CFAP47: variants seen among roughly 807,000 people sequenced by gnomAD.
CFAP47 encodes cilia and flagella associated protein 47.
Under a neutral mutation model 148.1 loss-of-function variants are expected in CFAP47, and 29 were observed. That is an observed-to-expected ratio of 0.20 (90% CI 0.15 to 0.27). The LOEUF (loss-of-function observed/expected upper bound fraction) is 0.27. CFAP47 is among the 10% of genes least tolerant of loss of function. The pLI is 1.00. For missense variants in CFAP47, 1,872 were observed against 1,697.5 expected (o/e 1.10, Z -1.81); for synonymous variants, 664 against 577.3 (o/e 1.15, Z -2.15).
intron 46 of CFAP47, among the ~76,000 whole-genome samples, chrX:36,232,082 G>C (rs1431178012): frequency 2.7e-5 from 3 of 110,843 alleles, no homozygotes; most frequent in Non-Finnish European, 5.7e-5. Context: ...CTCCTTTTTG[G>C]TTGTGTCTCT....
chrX:36,300,577 C>G (rs1004237306), intron 52 of CFAP47, among the ~76,000 whole-genome samples: 1 of 111,875 alleles, frequency 8.9e-6, no homozygotes, highest in African/African-American at 3.3e-5. Flanking sequence ...GCATGAGCCA[C>G]CACGTCCGGT....
intron 53 of CFAP47, among the ~76,000 whole-genome samples, chrX:36,301,537 G>A (rs1048588844): frequency 2.7e-5 from 3 of 110,322 alleles, no homozygotes; most frequent in South Asian, 3.9e-4. Context: ...GATATAGACA[G>A]AATCTTTGGA....
chrX:36,233,900 T>G (rs1270344446), intron 46 of CFAP47, among the ~76,000 whole-genome samples: 3 of 111,266 alleles, frequency 2.7e-5, no homozygotes, highest in African/African-American at 9.8e-5. Flanking sequence ...ATATGAAATT[T>G]TGGGTTGAAA....
At chrX:36,015,424 C>T (rs774065691) in intron 22 of CFAP47, among the ~76,000 whole-genome samples, 11 of 110,974 alleles carry the variant, frequency 9.9e-5, no homozygotes, top group Non-Finnish European at 1.3e-4. Context: ...CTGCAAATTA[C>T]ATTTTTGCAA....
At chrX:35,968,925 A>G (rs1050763084) in intron 10 of CFAP47, among the ~76,000 whole-genome samples, 1 of 109,160 alleles carries the variant, frequency 9.2e-6, no homozygotes, top group Admixed American at 9.8e-5. Flanking sequence ...ATAATTTTTT[A>G]TGTACTTTTT....
rs756244150 is a variant in CFAP47, at chrX:36,103,056, T to C, written c.5128-1443T>C. Among the ~76,000 whole-genome samples the C allele has an allele frequency of 1.2e-4, 13 of 111,486 alleles. No individual in the cohort carries two copies. In the South Asian group the frequency reaches 5.0e-3, roughly 42 times the overall value. ...TACTGTAGTTATTTGAAACACTGTA[T>C]GGCATAAATATGCATTACTTAGAAA... On this transcript the variant is annotated intron_variant, in intron 32 of 63. Transcript: ENST00000378653.
chrX:35,985,896 C>A, intron 15 of CFAP47: 1 of 320,145 alleles, frequency 3.1e-6, no homozygotes, highest in Non-Finnish European at 6.1e-6. Flanking sequence ...TCCTAAGCGG[C>A]TCTCCCTGCC....
rs185480383 is a variant in CFAP47, at chrX:36,096,665, C to T, written c.4917-2128C>T. ...TTTTTTGATACAAGTATAGCTACTC[C>T]TGCTTTTTTTTTATTTCCATTAGCA... On this transcript the variant is annotated intron_variant, in intron 30 of 63. Coordinates refer to ENST00000378653, the MANE Select transcript of CFAP47 (RefSeq NM_001304548.2). 4.3e-3 allele frequency among the ~76,000 whole-genome samples: 467 copies of T among 109,549 alleles called. 2 individuals carry two copies. The highest frequency in any genetic ancestry group is 7.0e-3 in the Non-Finnish European group (366 of 52,379).
At chrX:35,960,432 T>C (rs1395230245) in intron 8 of CFAP47, among the ~76,000 whole-genome samples, 1 of 82,602 alleles carries the variant, frequency 1.2e-5, no homozygotes, top group Non-Finnish European at 2.3e-5. Context: ...TTGAAAAGAA[T>C]TGTGTTGAAT....
rs150772507 is a variant in CFAP47 at position 35,998,471 on chromosome X, T to C, written c.3177+1082T>C. 7.1e-3 allele frequency among the ~76,000 whole-genome samples: 793 copies of C among 111,406 alleles called. 4 individuals are homozygous for C. Among genetic ancestry groups the C allele is most frequent in the Middle Eastern group, 0.019 (4 of 216 alleles). ...GGGAACATCACCATCAGAGCAGTTG[T>C]CATATTATTTTGGGGCTATTTGTAC... On this transcript the variant is annotated intron_variant, in intron 19 of 63. Transcript: ENST00000378653.
At chrX:36,371,717 T>TATATACACACATGTGTATATATGTGTGC (rs1941948858) in intron 62 of CFAP47, among the ~76,000 whole-genome samples, 1 of 58,728 alleles carries the variant, frequency 1.7e-5, no homozygotes, top group Non-Finnish European at 2.8e-5. Flanking sequence ...TATATGTGTG[T>TATATACACACATGTGTATATATGTGTGC]ATATACACAC....
intron 26 of CFAP47, among the ~76,000 whole-genome samples, chrX:36,051,532 A>T (rs1937520273): frequency 9.0e-6 from 1 of 111,501 alleles, no homozygotes; most frequent in Admixed American, 9.6e-5. Context: ...GTTTTGGCTA[A>T]TTTCTCCCAC....
At chrX:35,968,694 A>ATT (rs1178571065) in intron 10 of CFAP47, among the ~76,000 whole-genome samples, 9 of 111,151 alleles carry the variant, frequency 8.1e-5, no homozygotes, top group African/African-American at 2.9e-4. Flanking sequence ...TGTCTATGAT[A>ATT]GGAAAAGTCC....
chrX:36,361,203 A>T, intron 60 of CFAP47, 127 bp from the exon 61 acceptor site: 1 of 364,136 alleles, frequency 2.7e-6, no homozygotes. Flanking sequence ...ATAGACATTA[A>T]GCTAAATAAT....
intron 37 of CFAP47, among the ~76,000 whole-genome samples, chrX:36,153,948 T>C (rs1334579467): frequency 8.9e-6 from 1 of 112,002 alleles, no homozygotes. Flanking sequence ...TCTGGGCCTA[T>C]GATGGGAGAG....
At chrX:36,092,476 GTGTTT>G (rs1938202386) in intron 30 of CFAP47, among the ~76,000 whole-genome samples, 1 of 111,067 alleles carries the variant, frequency 9.0e-6, no homozygotes, top group Non-Finnish European at 1.9e-5. Context: ...AAAACTCTTT[GTGTTT>G]TGTTACCATG....
At chrX:35,995,704 A>G (rs757969148) in intron 18 of CFAP47, among the ~76,000 whole-genome samples, 26 of 111,548 alleles carry the variant, frequency 2.3e-4, no homozygotes, top group Non-Finnish European at 4.1e-4. Context: ...GCAGCCACAT[A>G]TATATACTGG....
intron 8 of CFAP47, among the ~76,000 whole-genome samples, chrX:35,963,306 A>G (rs1361058435): frequency 9.1e-6 from 1 of 110,348 alleles, no homozygotes; most frequent in Non-Finnish European, 1.9e-5. Flanking sequence ...ACAAAACAGT[A>G]AGGATATATT....
chrX:36,246,150 A>G (rs1555996988), intron 48 of CFAP47, among the ~76,000 whole-genome samples: 1 of 111,938 alleles, frequency 8.9e-6, no homozygotes, highest in African/African-American at 3.2e-5. Flanking sequence ...GGTAGAAAAT[A>G]TTCACAATCT....
Sources: gnomAD v4.1 joint callset for allele counts (sites outside exome capture counted in the v4.1 genomes callset) on GRCh38, gnomAD v4.1.1 for gene constraint, MANE v1.5 for transcripts, NCBI Gene and HGNC (gene_info 2026-07-23, HGNC 2026-07-21) for gene names.